ITPR1: variants seen among roughly 807,000 people sequenced by gnomAD.
ITPR1 encodes the protein inositol 1,4,5-trisphosphate-gated calcium channel ITPR1.
Under a neutral mutation model 318.4 loss-of-function variants are expected in ITPR1, and 96 were observed. That is an observed-to-expected ratio of 0.30 (90% CI 0.26 to 0.36). ITPR1 has a LOEUF of 0.36. Ranked by LOEUF, ITPR1 falls within the 10% of genes least tolerant of loss-of-function variation. The probability of loss-of-function intolerance (pLI) is 1.00; values close to 1 mark genes in which losing one functional copy is unlikely to be tolerated. For synonymous variants in ITPR1, 1,312 were observed against 1,289.9 expected, an observed-to-expected ratio of 1.02 and a Z score of -0.37; for missense variants, 2,440 against 3,460.2, an observed-to-expected ratio of 0.71 and a Z score of 7.40.
intron 51 of ITPR1, among the ~76,000 whole-genome samples, chr3:4,784,932 T>C (rs2047086999): frequency 6.6e-6 from 1 of 151,284 alleles, no homozygotes; most frequent in African/African-American, 2.4e-5. Flanking sequence ...ATTGTGAGTG[T>C]GGAGATGGCC....
At chr3:4,808,037 C>G (rs2048700508) in intron 55 of ITPR1, among the ~76,000 whole-genome samples, 1 of 152,218 alleles carries the variant, frequency 6.6e-6, no homozygotes, top group Non-Finnish European at 1.5e-5. Context: ...CTTTTCTGTT[C>G]ATTTGAGTCC....
At chr3:4,514,711 G>T (rs900720484) in intron 2 of ITPR1, among the ~76,000 whole-genome samples, 1 of 152,142 alleles carries the variant, frequency 6.6e-6, no homozygotes, top group Non-Finnish European at 1.5e-5. Context: ...AATTTGGTCT[G>T]GTTCAAAATT....
intron 5 of ITPR1, among the ~76,000 whole-genome samples, chr3:4,637,814 A>C (rs2093235307): frequency 6.6e-6 from 1 of 152,236 alleles, no homozygotes; most frequent in Non-Finnish European, 1.5e-5. Context: ...GTAGAAATGG[A>C]ACAGATGCTG....
intron 41 of ITPR1, 24 bp from the exon 42 acceptor site, chr3:4,727,102 A>G (rs757832893): frequency 1.3e-6 from 2 of 1,594,172 alleles, no homozygotes; most frequent in African/African-American, 1.3e-5. Context: ...TTGTATTAAA[A>G]TGGAATTTCT....
intron 59 of ITPR1, among the ~76,000 whole-genome samples, chr3:4,816,927 G>C (rs1335683179): frequency 6.6e-6 from 1 of 152,074 alleles, no homozygotes; most frequent in Non-Finnish European, 1.5e-5. Context: ...TTTATTGTAA[G>C]AAAGAATTTT....
At chr3:4,773,057 C>G (rs1175480908) in intron 46 of ITPR1, among the ~76,000 whole-genome samples, 1 of 152,344 alleles carries the variant, frequency 6.6e-6, no homozygotes, top group South Asian at 2.1e-4. Flanking sequence ...TGCTGGGCAC[C>G]CAGCGCTGTC....
intron 12 of ITPR1, among the ~76,000 whole-genome samples, chr3:4,656,248 AT>A (rs1322811425): frequency 6.6e-6 from 1 of 152,194 alleles, no homozygotes; most frequent in Admixed American, 6.5e-5. Flanking sequence ...ACGTAATGCA[AT>A]TGTGATTTTC....
intron 4 of ITPR1, among the ~76,000 whole-genome samples, chr3:4,546,326 C>T (rs1208244068): frequency 1.3e-5 from 2 of 152,100 alleles, no homozygotes; most frequent in African/African-American, 2.4e-5. Context: ...CTGTCATCTG[C>T]TTCTATGTCA....
chr3:4,639,671 C>T (rs1266976468), intron 6 of ITPR1, among the ~76,000 whole-genome samples: 1 of 152,208 alleles, frequency 6.6e-6, no homozygotes, highest in Non-Finnish European at 1.5e-5. Context: ...TCAGCGTGAG[C>T]ATCTACTTCT....
At chr3:4,815,266 G>A in intron 59 of ITPR1, 48 bp downstream of exon 59, 1 of 1,593,758 alleles carries the variant, frequency 6.3e-7, no homozygotes. Context: ...GCCCAGCGTG[G>A]CAGAGGCATG....
chr3:4,517,040 A>G lies in ITPR1; in HGVS notation c.92+457A>G, dbSNP rs140421913. On this transcript the variant is annotated intron_variant, in intron 3 of 61. Coordinates refer to ENST00000649015, the MANE Select transcript of ITPR1 (RefSeq NM_001378452.1). ...CCTATCTCTTTTCTTTGAAGCAGACATTTCCTATTTTACATTGCTGTATGC... is the reference window on the plus strand; with the variant it reads ...CCTATCTCTTTTCTTTGAAGCAGACGTTTCCTATTTTACATTGCTGTATGC... Among the ~76,000 whole-genome samples, 905 of 152,316 alleles carry G rather than the reference A, an allele frequency of 5.9e-3. 8 individuals carry two copies. Among genetic ancestry groups the G allele is most frequent in the African/African-American group, 0.02 (832 of 41,572 alleles).
Position 4,678,654 on chromosome 3 carries a change from G to A in ITPR1, c.2967+1853G>A, listed in dbSNP as rs373970570. ...AAGTTCTTCTGAGACTGGAGTCCGG[G>A]AGTGGGGTCATGTGACTCCACATGG... On this transcript the variant is annotated intron_variant, in intron 24 of 61. Coordinates refer to ENST00000649015, the MANE Select transcript of ITPR1 (RefSeq NM_001378452.1). Among the ~76,000 whole-genome samples the A allele has an allele frequency of 3.9e-5, 6 of 152,308 alleles. No individual in the cohort carries two copies. In the South Asian group the frequency reaches 1.2e-3, roughly 32 times the overall value.
intron 4 of ITPR1, among the ~76,000 whole-genome samples, chr3:4,621,860 C>A (rs2092649072): frequency 6.6e-6 from 1 of 152,208 alleles, no homozygotes; most frequent in African/African-American, 2.4e-5. Context: ...TCTCCTCCTG[C>A]AACTCCAAGT....
intron 4 of ITPR1, among the ~76,000 whole-genome samples, chr3:4,581,547 TC>T (rs1353004781): frequency 1.3e-5 from 2 of 152,156 alleles, no homozygotes; most frequent in East Asian, 3.9e-4. Flanking sequence ...ATTAAATGAG[TC>T]TGGGACAACA....
chr3:4,519,478 G>A (rs1383573972), intron 3 of ITPR1, among the ~76,000 whole-genome samples: 1 of 152,168 alleles, frequency 6.6e-6, no homozygotes, highest in Non-Finnish European at 1.5e-5. Context: ...GCCTGTCTCG[G>A]CCTCCCAAAG....
chr3:4,642,821 A>G (rs1180096174), intron 7 of ITPR1, among the ~76,000 whole-genome samples: 1 of 152,188 alleles, frequency 6.6e-6, no homozygotes, highest in Non-Finnish European at 1.5e-5. Flanking sequence ...CAGTCCTGAT[A>G]TTTGTTGGCT....
intron 4 of ITPR1, among the ~76,000 whole-genome samples, chr3:4,581,946 G>T (rs2089387519): frequency 6.9e-6 from 1 of 144,150 alleles, no homozygotes; most frequent in Non-Finnish European, 1.5e-5. Context: ...TTTTTTTTTA[G>T]GATTTTTTTT....
chr3:4,684,879 G>C (rs1486452083), intron 29 of ITPR1, among the ~76,000 whole-genome samples, 190 bp from the exon 30 acceptor site: 1 of 152,192 alleles, frequency 6.6e-6, no homozygotes. Flanking sequence ...GCTTATTCTG[G>C]AAGACGTGAC....
At chr3:4,649,483 C>T (rs1158430951) in intron 10 of ITPR1, among the ~76,000 whole-genome samples, 1 of 152,194 alleles carries the variant, frequency 6.6e-6, no homozygotes, top group Non-Finnish European at 1.5e-5. Context: ...AAATACTATG[C>T]TCATTAGCAG....
Sources: gnomAD v4.1 joint callset for allele counts (sites outside exome capture counted in the v4.1 genomes callset) on GRCh38, gnomAD v4.1.1 for gene constraint, MANE v1.5 for transcripts, NCBI Gene and HGNC (gene_info 2026-07-23, HGNC 2026-07-21) for gene names.